CEACAM21: variants seen among roughly 807,000 people sequenced by gnomAD.
CEACAM21 encodes the protein CEA cell adhesion molecule 21, also known as cell adhesion molecule CEACAM21.
CEACAM21 carries 38 observed loss-of-function variants against 33.2 expected under a neutral mutation model. The observed-to-expected ratio is 1.14, with a 90% CI of 0.88 to 1.50. The LOEUF (loss-of-function observed/expected upper bound fraction) is 1.50. Ranked by LOEUF, CEACAM21 falls within the 40% of genes most tolerant of loss-of-function variation. The pLI is 0.00. For synonymous variants in CEACAM21, 156 were observed against 143.0 expected (o/e 1.09, Z -0.65); for missense variants, 385 against 364.6 (o/e 1.06, Z -0.46).
intron 2 of CEACAM21, 193 bp from the exon 3 acceptor site, chr19:41,579,160 C>A (rs2043176269): frequency 1.2e-6 from 1 of 860,126 alleles, no homozygotes; most frequent in Admixed American, 2.8e-5. Context: ...GCTGGGTCCT[C>A]CTGGTCCCTG....
At chr19:41,569,592 AAGGAGGAGGGAG>A (rs1225011987) in intron 2 of CEACAM21, among the ~76,000 whole-genome samples, 11 of 152,026 alleles carry the variant, frequency 7.2e-5, no homozygotes, top group Non-Finnish European at 1.3e-4. Context: ...ACTGCCCCCC[AAGGAGGAGGGAG>A]CACTGTTCCC....
In CEACAM21 at chr19:41,581,165, G is replaced by A. The variant is rs1010005009; in HGVS notation, c.700+1537G>A. On this transcript the variant is annotated intron_variant, in intron 3 of 6. Transcript: ENST00000401445. ...AAGCTGGAAGGTTATGGGTTTACAG[G>A]AATGAGGGCAAGGAATACCTGTCCC... 5.9e-5 allele frequency among the ~76,000 whole-genome samples: 9 copies of A among 152,224 alleles called. No individual in the cohort carries two copies. In the East Asian group the frequency reaches 1.7e-3, roughly 29 times the overall value.
At chr19:41,559,760 C>T (rs1555786371) in intron 1 of CEACAM21, among the ~76,000 whole-genome samples, 9 of 152,158 alleles carry the variant, frequency 5.9e-5, no homozygotes, top group Admixed American at 5.2e-4. Context: ...ATGCATTAAA[C>T]ATTAGATAAA....
intron 1 of CEACAM21, among the ~76,000 whole-genome samples, chr19:41,576,699 G>A (rs559740205): frequency 3.9e-5 from 6 of 152,318 alleles, no homozygotes; most frequent in African/African-American, 1.4e-4. Flanking sequence ...CCCTGGGAAC[G>A]CTCATGAACT....
chr19:41,565,041 C>T (rs2042155796), exon 2 of CEACAM21: 1 of 152,532 alleles, frequency 6.6e-6, no homozygotes, highest in South Asian at 2.1e-4. Flanking sequence ...ACCGGACCGA[C>T]CCCCGACGGT....
In CEACAM21 at chr19:41,586,701, AC is replaced by A; in HGVS notation, c.*239del. ...CCCTGCTGAATATATAGAGACCTCAACAGACTGCCCCGGGCTCTGGGTGGGC... is the reference window on the plus strand; with the variant it reads ...CCCTGCTGAATATATAGAGACCTCAAAGACTGCCCCGGGCTCTGGGTGGGC... On this transcript the variant is annotated 3_prime_UTR_variant, in exon 7 of 7. Transcript: ENST00000401445. 2.5e-6 allele frequency: 1 copy of A among 398,740 alleles called. No individual in the cohort carries two copies. The highest frequency in any genetic ancestry group is 4.8e-6 in the Non-Finnish European group (1 of 209,692). The allele number at this position is 398,740 out of a possible 1,614,324, so 24.7% of individuals were successfully genotyped here.
intron 1 of CEACAM21, among the ~76,000 whole-genome samples, chr19:41,556,680 G>A (rs2122164715): frequency 6.6e-6 from 1 of 152,316 alleles, no homozygotes; most frequent in African/African-American, 2.4e-5. Flanking sequence ...CTGGGGCCCT[G>A]ACTGGGAATT....
chr19:41,585,944 A>T, intron 6 of CEACAM21, 73 bp downstream of exon 6: 1 of 1,493,418 alleles, frequency 6.7e-7, no homozygotes, highest in Non-Finnish European at 9.3e-7. Flanking sequence ...GGGGACTGTC[A>T]ATCCCCAGCA....
At chr19:41,568,686 T>C (rs2042416542) in intron 2 of CEACAM21, among the ~76,000 whole-genome samples, 1 of 152,248 alleles carries the variant, frequency 6.6e-6, no homozygotes, top group African/African-American at 2.4e-5. Context: ...TTGGTTACTA[T>C]AGCTTTGCAG....
intron 3 of CEACAM21, among the ~76,000 whole-genome samples, chr19:41,582,911 A>G (rs1437326645): frequency 6.6e-6 from 1 of 152,174 alleles, no homozygotes; most frequent in Admixed American, 6.5e-5. Context: ...GTTTATGCAC[A>G]TTTCTGCAGC....
At chr19:41,586,245 A>G (rs1319263917) in intron 6 of CEACAM21, 1 of 527,630 alleles carries the variant, frequency 1.9e-6, no homozygotes, top group Admixed American at 2.9e-5. Flanking sequence ...AGGGAGACCC[A>G]GGATCTGTCC....
intron 2 of CEACAM21, among the ~76,000 whole-genome samples, chr19:41,579,047 A>G (rs1555792296): frequency 6.6e-6 from 1 of 152,086 alleles, no homozygotes; most frequent in East Asian, 1.9e-4. Flanking sequence ...CATTTCTCTG[A>G]CTGCCTGCTC....
Position 41,585,928 on chromosome 19 carries a change from G to A in CEACAM21, c.*57G>A, listed in dbSNP as rs548878525. 6 of 1,563,238 alleles carry A rather than the reference G, an allele frequency of 3.8e-6. No homozygotes were observed. The African/African-American group carries it at 8.1e-5, about 21-fold the overall frequency. ...CTGGGGCCCCAGCTGTGCAGGCTCA[G>A]GGCAGGGGGACTGTCAATCCCCAGC... On this transcript the variant is annotated intron_variant, in intron 6 of 6. Transcript: ENST00000401445.
chr19:41,550,273 T>C (rs1179771432), intron 1 of CEACAM21: 2 of 152,238 alleles, frequency 1.3e-5, no homozygotes, highest in African/African-American at 2.4e-5. Context: ...TATCTATTTC[T>C]TGTAAAAGAA....
At chr19:41,584,204 C>A in intron 3 of CEACAM21, 143 bp from the exon 4 acceptor site, 2 of 660,448 alleles carry the variant, frequency 3.0e-6, no homozygotes, top group Non-Finnish European at 5.3e-6. Flanking sequence ...AGCAAGGGAG[C>A]CAGCTATGAG....
chr19:41,553,585 C>T (rs1452988484), intron 1 of CEACAM21: 1 of 152,068 alleles, frequency 6.6e-6, no homozygotes, highest in African/African-American at 2.4e-5. Flanking sequence ...TAAAGCTGAG[C>T]CCCTGCCATG....
intron 1 of CEACAM21, among the ~76,000 whole-genome samples, chr19:41,552,647 T>C (rs147666001): frequency 1.3e-5 from 2 of 152,294 alleles, no homozygotes; most frequent in East Asian, 3.9e-4. Context: ...ACAAGAATCA[T>C]AGGGAGATGG....
At position 41,585,629 on chromosome 19, in the gene CEACAM21, C is replaced by T. The variant is rs139509660; in HGVS notation, c.850+134C>T. The T allele has an allele frequency of 2.5e-4, 285 of 1,127,250 alleles. No homozygotes were observed. In the African/African-American group the frequency reaches 3.9e-3, roughly 15 times the overall value. The allele number at this position is 1,127,250 out of a possible 1,614,324, so 69.8% of individuals were successfully genotyped here. A position where few individuals can be genotyped will look rare whatever the true frequency, so the allele number is the denominator to read the frequency against. On this transcript the variant is annotated intron_variant, in intron 5 of 6. Coordinates refer to ENST00000401445, the MANE Select transcript of CEACAM21 (RefSeq NM_001098506.4). ...AAAGAGGATCCCATAAAACATCACA[C>T]AGGAAACCCCAACTGGCCGGGTCAG...
intron 2 of CEACAM21, among the ~76,000 whole-genome samples, chr19:41,570,524 C>G (rs2042533739): frequency 6.6e-6 from 1 of 152,152 alleles, no homozygotes; most frequent in Non-Finnish European, 1.5e-5. Flanking sequence ...AGGCCCGGGT[C>G]CCCACAGACA....
Sources: gnomAD v4.1 joint callset for allele counts (sites outside exome capture counted in the v4.1 genomes callset) on GRCh38, gnomAD v4.1.1 for gene constraint, MANE v1.5 for transcripts, NCBI Gene and HGNC (gene_info 2026-07-23, HGNC 2026-07-21) for gene names.